Variants in UNC5D observed in about 807,000 individuals in gnomAD.
UNC5D encodes netrin receptor UNC5D.
A neutral mutation model predicts 105.4 loss-of-function variants in UNC5D; 39 were observed. The ratio of observed to expected loss-of-function variants is 0.37; its 90% CI spans 0.29 to 0.48. The LOEUF (loss-of-function observed/expected upper bound fraction) is 0.48, where lower values mean the gene tolerates loss of function less well. Among genes scored for constraint, UNC5D ranks in the 20% least tolerant of loss-of-function variants. The pLI is 0.98. For synonymous variants in UNC5D, 452 were observed against 450.4 expected, an observed-to-expected ratio of 1.00 and a Z score of -0.04; for missense variants, 991 against 1,202.4, an observed-to-expected ratio of 0.82 and a Z score of 2.60.
intron 4 of UNC5D, among the ~76,000 whole-genome samples, chr8:35,622,531 T>C (rs1821424812): frequency 8.5e-5 from 13 of 152,144 alleles, no homozygotes; most frequent in Admixed American, 8.5e-4. Flanking sequence ...AACATAAGGG[T>C]CTTCATATGA....
At chr8:35,383,393 T>C (rs1441816780) in intron 1 of UNC5D, among the ~76,000 whole-genome samples, 5 of 152,154 alleles carry the variant, frequency 3.3e-5, no homozygotes, top group Admixed American at 6.5e-5. Context: ...CATAGTCACG[T>C]GGAAGGAATG....
Position 35,332,938 on chromosome 8 carries a change from A to C in UNC5D, c.103+97051A>C, listed in dbSNP as rs541890268. Among the ~76,000 whole-genome samples the C allele has an allele frequency of 7.2e-5, 11 of 152,368 alleles. No individual in the cohort carries two copies. The South Asian group carries it at 2.3e-3, about 32-fold the overall frequency. ...TTGATTGCTCTTCTGAGTGGGGTGA[A>C]CATACAGTTCTAATCAAGTACTTAC... On this transcript the variant is annotated intron_variant, in intron 1 of 16. Coordinates refer to ENST00000404895, the MANE Select transcript of UNC5D (RefSeq NM_080872.4).
chr8:35,280,294 A>G (rs1806060083), intron 1 of UNC5D, among the ~76,000 whole-genome samples: 1 of 151,998 alleles, frequency 6.6e-6, no homozygotes, highest in South Asian at 2.1e-4. Flanking sequence ...CCTTTTCTTT[A>G]TTGAGGTGGA....
At chr8:35,781,998 G>A (rs1359984788) in intron 16 of UNC5D, among the ~76,000 whole-genome samples, 2 of 152,226 alleles carry the variant, frequency 1.3e-5, no homozygotes, top group Admixed American at 1.3e-4. Context: ...CTGGAACTCA[G>A]CATGTTTTCA....
intron 1 of UNC5D, among the ~76,000 whole-genome samples, chr8:35,394,000 C>T (rs1803944270): frequency 6.6e-6 from 1 of 151,800 alleles, no homozygotes; most frequent in Non-Finnish European, 1.5e-5. Flanking sequence ...CTTCCTCTTT[C>T]TCCTTTTTCT....
rs1392276403 is a variant in UNC5D at position 35,247,599 on chromosome 8, T to C, written c.103+11712T>C. Among the ~76,000 whole-genome samples, 234 of 98,440 alleles carry C rather than the reference T, an allele frequency of 2.4e-3. 2 individuals are homozygous for C. The highest frequency in any genetic ancestry group is 9.3e-3 in the African/African-American group (224 of 24,012). 64.6% of individuals were successfully genotyped at this position (98,440 alleles called of 152,430 possible). A position where few individuals can be genotyped will look rare whatever the true frequency, so the allele number is the denominator to read the frequency against. On this transcript the variant is annotated intron_variant, in intron 1 of 16. Coordinates refer to ENST00000404895, the MANE Select transcript of UNC5D (RefSeq NM_080872.4). Reference sequence around the variant, plus strand: ...TATAAAATATATAAAATATATATAATATATAAATATATATTATATATAAAA... The same window carrying C: ...TATAAAATATATAAAATATATATAACATATAAATATATATTATATATAAAA...
intron 2 of UNC5D, among the ~76,000 whole-genome samples, chr8:35,552,623 A>G (rs1188699245): frequency 1.3e-5 from 2 of 152,218 alleles, no homozygotes. Flanking sequence ...AATGGTAGAC[A>G]TTTCCAGGAA....
At chr8:35,329,567 TCTCA>T (rs1472399620) in intron 1 of UNC5D, among the ~76,000 whole-genome samples, 1 of 152,014 alleles carries the variant, frequency 6.6e-6, no homozygotes, top group African/African-American at 2.4e-5. Flanking sequence ...CTATCTGAAG[TCTCA>T]CTCATCATTT....
chr8:35,528,039 GTTTTTTTT>G lies in UNC5D; in HGVS notation c.104-21238_104-21231del, dbSNP rs398007485. Among the ~76,000 whole-genome samples, 67 of 125,144 alleles carry G rather than the reference GTTTTTTTT, an allele frequency of 5.4e-4. 1 individual carries two copies. Among genetic ancestry groups the G allele is most frequent in the Non-Finnish European group, 2.0e-4 (12 of 60,874 alleles). 82.1% of individuals were successfully genotyped at this position (125,144 alleles called of 152,430 possible). A position where few individuals can be genotyped will look rare whatever the true frequency, so the allele number is the denominator to read the frequency against. The stretch of plus-strand genomic sequence containing the variant: ...TTATCATGAATTCTAGAAACAGCTG[GTTTTTTTT>G]TTTTTTTTTTTTTTATACTTTAAGT... On this transcript the variant is annotated intron_variant, in intron 1 of 16. Coordinates refer to ENST00000404895, the MANE Select transcript of UNC5D (RefSeq NM_080872.4).
At chr8:35,506,291 T>G (rs942731735) in intron 1 of UNC5D, among the ~76,000 whole-genome samples, 1 of 152,188 alleles carries the variant, frequency 6.6e-6, no homozygotes, top group Non-Finnish European at 1.5e-5. Context: ...AAATAAACAC[T>G]TTTCTTCTTG....
intron 7 of UNC5D, among the ~76,000 whole-genome samples, chr8:35,692,708 A>G (rs926900740): frequency 6.6e-6 from 1 of 152,326 alleles, no homozygotes; most frequent in African/African-American, 2.4e-5. Flanking sequence ...TAAACTCTCT[A>G]AAGTCAAGAA....
chr8:35,775,925 T>C (rs1802226816), intron 16 of UNC5D, among the ~76,000 whole-genome samples: 1 of 152,112 alleles, frequency 6.6e-6, no homozygotes, highest in African/African-American at 2.4e-5. Context: ...AAGGCATATA[T>C]TGAAAATGAA....
chr8:35,631,462 C>A (rs532046129), intron 4 of UNC5D, among the ~76,000 whole-genome samples: 2 of 152,360 alleles, frequency 1.3e-5, no homozygotes, highest in Admixed American at 6.5e-5. Flanking sequence ...CTGCACCATG[C>A]ACTGCTGGGC....
At chr8:35,504,916 T>C (rs567094761) in intron 1 of UNC5D, among the ~76,000 whole-genome samples, 46 of 152,296 alleles carry the variant, frequency 3.0e-4, no homozygotes, top group Admixed American at 2.7e-3. Context: ...AAGAGACAAC[T>C]ATGCCAAACA....
At chr8:35,621,478 C>T (rs1428455640) in intron 4 of UNC5D, among the ~76,000 whole-genome samples, 1 of 152,066 alleles carries the variant, frequency 6.6e-6, no homozygotes, top group Non-Finnish European at 1.5e-5. Flanking sequence ...TCAAGAGTTA[C>T]ATGTATTGGG....
chr8:35,455,745 G>A (rs1419127667), intron 1 of UNC5D, among the ~76,000 whole-genome samples: 2 of 151,998 alleles, frequency 1.3e-5, no homozygotes, highest in East Asian at 1.9e-4. Context: ...CACAATCATG[G>A]CAGAAGGCAA....
At chr8:35,610,676 CA>C (rs980467954) in intron 4 of UNC5D, among the ~76,000 whole-genome samples, 11 of 152,122 alleles carry the variant, frequency 7.2e-5, no homozygotes, top group African/African-American at 2.7e-4. Context: ...GAACCGAGTG[CA>C]ATCTCTACCC....
chr8:35,568,237 A>T lies in UNC5D; in HGVS notation c.462A>T (p.Ile154=), dbSNP rs771712477. 6.2e-7 allele frequency: 1 copy of T among 1,614,050 alleles called. No individual in the cohort carries two copies. The highest frequency in any genetic ancestry group is 8.5e-7 in the Non-Finnish European group (1 of 1,179,972). ...AGAGCAGGAAGGCCTCTGTGCGCAT[A>T]GCCTGTAAGTACATTCTGGGTGACC... ...TSKSRKASVR[I]AYLRKNFEQD... Residue 154 remains isoleucine, a synonymous_variant, in exon 3 of 17, where the codon ATA becomes ATT. Coordinates refer to ENST00000404895, the MANE Select transcript of UNC5D (RefSeq NM_080872.4).
chr8:35,525,572 T>G, intron 1 of UNC5D: 2 of 1,612,982 alleles, frequency 1.2e-6, no homozygotes, highest in East Asian at 4.5e-5. Context: ...TTTCCACTTC[T>G]GAAACATACT....
Sources: allele counts gnomAD v4.1 joint callset (sites outside exome capture counted in the v4.1 genomes callset), GRCh38; gene constraint gnomAD v4.1.1; transcripts MANE v1.5; gene names NCBI Gene and HGNC (gene_info 2026-07-23, HGNC 2026-07-21).